The following CFAP54 variants were observed in gnomAD, a reference collection of about 807,000 sequenced individuals.
The protein encoded by CFAP54 is cilia and flagella associated protein 54.
A neutral mutation model predicts 370.4 loss-of-function variants in CFAP54; 290 were observed. That is an observed-to-expected ratio of 0.78 (90% confidence interval 0.71 to 0.86). The LOEUF is 0.86. Among genes scored for constraint, CFAP54 ranks in the 40% least tolerant of loss-of-function variants. The probability of loss-of-function intolerance (pLI) is 0.00; values close to 1 mark genes in which losing one functional copy is unlikely to be tolerated. For synonymous variants in CFAP54, 1,206 were observed against 1,236.5 expected (o/e 0.98, Z 0.52); for missense variants, 3,399 against 3,528.7 (o/e 0.96, Z 0.93).
intron 66 of CFAP54, among the ~76,000 whole-genome samples, chr12:96,843,676 G>A (rs1283184564): frequency 6.6e-6 from 1 of 152,164 alleles, no homozygotes; most frequent in Admixed American, 6.5e-5. Flanking sequence ...AGAAAAGAGG[G>A]GTAGAGGATT....
intron 60 of CFAP54, among the ~76,000 whole-genome samples, chr12:96,773,561 A>G (rs774096292): frequency 6.6e-6 from 1 of 152,252 alleles, no homozygotes; most frequent in Non-Finnish European, 1.5e-5. Flanking sequence ...TGGTATATGC[A>G]CTGATACATT....
rs142691774 is a variant in CFAP54 at position 96,760,165 on chromosome 12, C to T, written c.8040+2577C>T. On this transcript the variant is annotated intron_variant, in intron 58 of 67. Coordinates refer to ENST00000524981, the MANE Select transcript of CFAP54 (RefSeq NM_001306084.2). The stretch of plus-strand genomic sequence containing the variant: ...GGACTAATGCTGTTTTGGGGAAATG[C>T]TGGAGAAGGCTTCACAGATGAAGTA... Among the ~76,000 whole-genome samples the T allele has an allele frequency of 1.9e-4, 29 of 152,202 alleles. No individual in the cohort carries two copies. The East Asian group carries it at 4.6e-3, about 24-fold the overall frequency.
intron 36 of CFAP54, among the ~76,000 whole-genome samples, chr12:96,654,979 A>G (rs1956905617): frequency 6.6e-6 from 1 of 152,066 alleles, no homozygotes; most frequent in Non-Finnish European, 1.5e-5. Context: ...TTGGGGTATG[A>G]ATTGAAATTC....
chr12:96,774,230 T>C (rs921594978), intron 60 of CFAP54, among the ~76,000 whole-genome samples: 1 of 152,166 alleles, frequency 6.6e-6, no homozygotes. Context: ...TTTGTAAATA[T>C]AGCTTTCTAA....
At chr12:96,653,752 GAAAT>G (rs1336292347) in intron 36 of CFAP54, among the ~76,000 whole-genome samples, 3 of 151,230 alleles carry the variant, frequency 2.0e-5, no homozygotes, top group East Asian at 1.9e-4. Flanking sequence ...ATAATAAAAA[GAAAT>G]AAAAGAAATG....
At chr12:96,576,956 T>G (rs942061549) in intron 20 of CFAP54, among the ~76,000 whole-genome samples, 195 bp downstream of exon 20, 4 of 152,214 alleles carry the variant, frequency 2.6e-5, no homozygotes, top group Admixed American at 2.0e-4. Flanking sequence ...GTTATATTTA[T>G]GATATGCTCT....
At chr12:96,870,944 A>G (rs1258261571) in intron 67 of CFAP54, among the ~76,000 whole-genome samples, 3 of 152,224 alleles carry the variant, frequency 2.0e-5, no homozygotes, top group Admixed American at 2.0e-4. Context: ...CTCTGAGGAC[A>G]CACCTCATCT....
At chr12:96,718,406 A>T (rs1957709476) in intron 48 of CFAP54, 37 bp from the exon 49 acceptor site, 1 of 957,650 alleles carries the variant, frequency 1.0e-6, no homozygotes, top group Non-Finnish European at 1.7e-6. Flanking sequence ...CTAACCATAG[A>T]TATCCTTGGT....
chr12:96,707,645 A>G (rs1957560549), intron 47 of CFAP54, among the ~76,000 whole-genome samples: 1 of 152,206 alleles, frequency 6.6e-6, no homozygotes, highest in African/African-American at 2.4e-5. Flanking sequence ...AGAGATTAGC[A>G]TATTTATGAT....
At chr12:96,761,466 A>C (rs149896614) in intron 58 of CFAP54, among the ~76,000 whole-genome samples, 1 of 152,240 alleles carries the variant, frequency 6.6e-6, no homozygotes, top group East Asian at 1.9e-4. Flanking sequence ...TGGAGGCACA[A>C]AGTTTTTAAA....
At chr12:96,812,804 T>A (rs1958940328) in intron 64 of CFAP54, among the ~76,000 whole-genome samples, 1 of 152,226 alleles carries the variant, frequency 6.6e-6, no homozygotes, top group African/African-American at 2.4e-5. Flanking sequence ...AGACAAAGGC[T>A]GTTTCAAGTG....
In CFAP54 at chr12:96,747,435, CA is replaced by C. The variant is rs1376292714; in HGVS notation, c.7684+3296del. 3.9e-5 allele frequency among the ~76,000 whole-genome samples: 6 copies of C among 152,012 alleles called. No individual in the cohort carries two copies. The South Asian group carries it at 8.3e-4, about 21-fold the overall frequency. ...CAATGAACACATATAACTTTTGTAACAAAAAAATTGTTCAAGAAATATGTTT... is the reference window on the plus strand; with the variant it reads ...CAATGAACACATATAACTTTTGTAACAAAAAATTGTTCAAGAAATATGTTT... On this transcript the variant is annotated intron_variant, in intron 55 of 67. Transcript: ENST00000524981.
At chr12:96,731,869 A>T (rs1263136222) in intron 50 of CFAP54, among the ~76,000 whole-genome samples, 2 of 152,148 alleles carry the variant, frequency 1.3e-5, no homozygotes, top group Admixed American at 6.5e-5. Flanking sequence ...TCTACATTGC[A>T]ACAAACTTTA....
At chr12:96,836,277 G>A (rs975896529) in intron 66 of CFAP54, among the ~76,000 whole-genome samples, 2 of 152,178 alleles carry the variant, frequency 1.3e-5, no homozygotes, top group Non-Finnish European at 2.9e-5. Context: ...GAATTTCATA[G>A]TCATTGAGTG....
At chr12:96,673,615 A>G (rs1048271217) in intron 39 of CFAP54, among the ~76,000 whole-genome samples, 2 of 152,210 alleles carry the variant, frequency 1.3e-5, no homozygotes, top group Non-Finnish European at 2.9e-5. Flanking sequence ...GAATTTTTCC[A>G]GTATACTGAA....
chr12:96,798,680 G>T (rs1958790284), intron 63 of CFAP54, among the ~76,000 whole-genome samples: 1 of 152,060 alleles, frequency 6.6e-6, no homozygotes, highest in African/African-American at 2.4e-5. Context: ...TCTGCATCAA[G>T]GTTACCCTCA....
chr12:96,683,800 GT>G (rs980098422), intron 40 of CFAP54, among the ~76,000 whole-genome samples: 2 of 149,750 alleles, frequency 1.3e-5, no homozygotes, highest in African/African-American at 2.5e-5. Flanking sequence ...TTTTGTTGTT[GT>G]TTTTTTTTGA....
At position 96,783,388 on chromosome 12, in the gene CFAP54, CT is replaced by C. The variant is rs1565976764; in HGVS notation, c.8282-1327del. Among the ~76,000 whole-genome samples the C allele has an allele frequency of 2.0e-5, 3 of 152,306 alleles. No individual in the cohort carries two copies. The East Asian group carries it at 5.8e-4, about 29-fold the overall frequency. ...AGGCCACTAACCATAGAATATTTAT[CT>C]TCCTTTTTTCGCTTCCCAGAGACAA... On this transcript the variant is annotated intron_variant, in intron 60 of 67. Coordinates refer to ENST00000524981, the MANE Select transcript of CFAP54 (RefSeq NM_001306084.2).
intron 26 of CFAP54, among the ~76,000 whole-genome samples, chr12:96,614,159 T>A (rs572872743): frequency 6.6e-6 from 1 of 152,194 alleles, no homozygotes; most frequent in Non-Finnish European, 1.5e-5. Context: ...AAAAAGCTTA[T>A]CCACCATGAT....
Sources: allele counts gnomAD v4.1 joint callset (sites outside exome capture counted in the v4.1 genomes callset), GRCh38; gene constraint gnomAD v4.1.1; transcripts MANE v1.5; gene names NCBI Gene and HGNC (gene_info 2026-07-23, HGNC 2026-07-21).